S100Z: variants seen among roughly 807,000 people sequenced by gnomAD.
The protein encoded by S100Z is S100 calcium binding protein Z.
A neutral mutation model predicts 8.5 loss-of-function variants in S100Z; 11 were observed. The ratio of observed to expected loss-of-function variants is 1.30; its 90% CI spans 0.82 to 2.15. The LOEUF (loss-of-function observed/expected upper bound fraction) is 2.15. S100Z is among the 30% of genes most tolerant of loss of function. The pLI, the probability that S100Z is intolerant of heterozygous loss-of-function variation, is 0.00. For missense variants in S100Z, 126 were observed against 117.9 expected (o/e 1.07, Z -0.32); for synonymous variants, 34 against 43.8 (o/e 0.78, Z 0.89).
At chr5:76,893,411 C>T (rs558369465) in intron 4 of S100Z, among the ~76,000 whole-genome samples, 6 of 152,148 alleles carry the variant, frequency 3.9e-5, no homozygotes, top group African/African-American at 1.4e-4. Context: ...GGTGTGGTGG[C>T]ACATGTCTGT....
chr5:76,882,141 C>T (rs940816375), intron 4 of S100Z, among the ~76,000 whole-genome samples: 5 of 151,974 alleles, frequency 3.3e-5, no homozygotes, highest in African/African-American at 7.3e-5. Context: ...AAATTATATG[C>T]GTCAGGTGTG....
At chr5:76,924,250 T>C (rs1208872087), downstream of S100Z, among the ~76,000 whole-genome samples, 2 of 152,208 alleles carry the variant, frequency 1.3e-5, no homozygotes, top group East Asian at 1.9e-4. Context: ...TCCCTGCTCT[T>C]TCCTCCCCTG....
rs1172536530 is a variant in S100Z, at chr5:76,868,136, A to C, written c.-175-2030A>C. Among the ~76,000 whole-genome samples, 3 of 152,094 alleles carry C rather than the reference A, an allele frequency of 2.0e-5. No homozygotes were observed. In the East Asian group the frequency reaches 5.8e-4, roughly 29 times the overall value. On this transcript the variant is annotated intron_variant, in intron 1 of 4. Coordinates refer to ENST00000317593, the MANE Select transcript of S100Z (RefSeq NM_130772.4). ...ACAGATTCTTTTTGAGCCTTTTGAC[A>C]TTGCCTTTGTTTCTGAAAGTCTCCT...
downstream of S100Z, among the ~76,000 whole-genome samples, chr5:76,922,087 C>T (rs1365920180): frequency 6.6e-6 from 1 of 152,112 alleles, no homozygotes. Context: ...AGTGATACCC[C>T]AAAGACTGTG....
At chr5:76,922,500 TAA>T (rs1745065201), downstream of S100Z, among the ~76,000 whole-genome samples, 1 of 150,962 alleles carries the variant, frequency 6.6e-6, no homozygotes, top group African/African-American at 2.4e-5. Context: ...TCTCTTCCCA[TAA>T]AGAGAGTTTT....
chr5:76,881,796 G>A (rs1743409404), intron 4 of S100Z, among the ~76,000 whole-genome samples: 1 of 152,174 alleles, frequency 6.6e-6, no homozygotes, highest in African/African-American at 2.4e-5. Context: ...GTTAGAAGTT[G>A]GAACTCTAGC....
chr5:76,936,657 A>ACACACACACAC, the S100Z span, among the ~76,000 whole-genome samples: 6 of 111,788 alleles, frequency 5.4e-5, no homozygotes, highest in Non-Finnish European at 1.1e-4. Flanking sequence ...ACACACACAC[A>ACACACACACAC]ACCATGAAGG....
the S100Z span, among the ~76,000 whole-genome samples, chr5:76,949,430 G>A: frequency 1.3e-5 from 2 of 152,088 alleles, no homozygotes; most frequent in African/African-American, 2.4e-5. Context: ...TATAAAAATA[G>A]AATGGTAATA....
intron 4 of S100Z, among the ~76,000 whole-genome samples, chr5:76,889,233 C>T (rs1743771435): frequency 6.6e-6 from 1 of 152,166 alleles, no homozygotes; most frequent in Non-Finnish European, 1.5e-5. Flanking sequence ...CCCCTTCTTG[C>T]CTATTAAACT....
At chr5:76,872,331 G>A (rs1011298616) in intron 2 of S100Z, among the ~76,000 whole-genome samples, 3 of 152,062 alleles carry the variant, frequency 2.0e-5, no homozygotes, top group African/African-American at 4.8e-5. Flanking sequence ...TCCCTGGGCC[G>A]TGGTCACTCA....
intron 4 of S100Z, among the ~76,000 whole-genome samples, chr5:76,909,905 A>C (rs1744588358): frequency 6.6e-6 from 1 of 152,234 alleles, no homozygotes; most frequent in Non-Finnish European, 1.5e-5. Context: ...AAAAGAATGC[A>C]GCTTTAGCTG....
intron 4 of S100Z, among the ~76,000 whole-genome samples, chr5:76,892,907 C>G (rs1743914282): frequency 6.6e-6 from 1 of 152,026 alleles, no homozygotes; most frequent in South Asian, 2.1e-4. Context: ...TCTCTTTGTC[C>G]CTTACCTATG....
At chr5:76,865,705 T>G (rs2150629483) in intron 1 of S100Z, among the ~76,000 whole-genome samples, 1 of 151,990 alleles carries the variant, frequency 6.6e-6, no homozygotes, top group East Asian at 1.9e-4. Flanking sequence ...TTTAAAAAAT[T>G]TAAAAGCTTA....
chr5:76,890,795 A>G (rs1743830718), intron 4 of S100Z, among the ~76,000 whole-genome samples: 1 of 152,198 alleles, frequency 6.6e-6, no homozygotes, highest in Non-Finnish European at 1.5e-5. Flanking sequence ...TTGGGTGCTA[A>G]TGTGAGAAAT....
intron 4 of S100Z, among the ~76,000 whole-genome samples, chr5:76,901,506 G>A (rs550114631): frequency 6.6e-6 from 1 of 152,198 alleles, no homozygotes; most frequent in African/African-American, 2.4e-5. Context: ...TAGCCACCCC[G>A]ACCCCAGGTC....
chr5:76,939,575 C>T, the S100Z span, among the ~76,000 whole-genome samples: 78 of 139,846 alleles, frequency 5.6e-4, no homozygotes, highest in Non-Finnish European at 1.1e-3. Flanking sequence ...TGCAATGGTG[C>T]GATCTTGGCT....
intron 1 of S100Z, among the ~76,000 whole-genome samples, chr5:76,857,622 C>T (rs1006217345): frequency 6.6e-6 from 1 of 151,966 alleles, no homozygotes; most frequent in African/African-American, 2.4e-5. Context: ...CCTCAGCCAC[C>T]TGAGTAGTTG....
chr5:76,883,020 A>T (rs1027916569), intron 4 of S100Z, among the ~76,000 whole-genome samples: 1 of 152,158 alleles, frequency 6.6e-6, no homozygotes, highest in Non-Finnish European at 1.5e-5. Flanking sequence ...TTGTTTTAGG[A>T]CAGGTAAAAT....
the S100Z span, among the ~76,000 whole-genome samples, chr5:76,944,066 C>G: frequency 3.3e-5 from 5 of 152,138 alleles, no homozygotes; most frequent in Non-Finnish European, 1.5e-5. Flanking sequence ...CTTGCCTCAC[C>G]CTATCCCGGC....
Sources: allele counts gnomAD v4.1 joint callset (sites outside exome capture counted in the v4.1 genomes callset), GRCh38; gene constraint gnomAD v4.1.1; transcripts MANE v1.5; gene names NCBI Gene and HGNC (gene_info 2026-07-23, HGNC 2026-07-21).